The following LRRC23 variants were observed in gnomAD, a reference collection of about 807,000 sequenced individuals.
LRRC23 encodes leucine-rich repeat-containing protein 23.
LRRC23 carries 28 observed loss-of-function variants against 37.7 expected under a neutral mutation model. The ratio of observed to expected loss-of-function variants is 0.74; its 90% CI spans 0.55 to 1.02. The LOEUF (loss-of-function observed/expected upper bound fraction) is 1.02, where lower values mean the gene tolerates loss of function less well. Ranked by LOEUF, LRRC23 falls within the 50% of genes least tolerant of loss-of-function variation. LRRC23 has a pLI of 0.00. For synonymous variants in LRRC23, 161 were observed against 165.4 expected (o/e 0.97, Z 0.20); for missense variants, 377 against 413.2 (o/e 0.91, Z 0.76).
chr12:6,909,876 C>G lies in LRRC23; in HGVS notation c.622-14C>G, dbSNP rs782047663. On this transcript the variant is annotated splice_polypyrimidine_tract_variant and intron_variant, in intron 5 of 7. Transcript: ENST00000443597. ...GCTCCCTCTCAATCAATCCACTGTG[C>G]CCTGGGGGTCTAGGCCCAAAACATG... The G allele has an allele frequency of 1.9e-6, 3 of 1,606,400 alleles. No homozygotes were observed. The highest frequency in any genetic ancestry group is 2.6e-6 in the Non-Finnish European group (3 of 1,176,144).
At position 6,907,315 on chromosome 12, in the gene LRRC23, G is replaced by A. The variant is rs1220666573; in HGVS notation, c.491G>A (p.Gly164Glu). The A allele has an allele frequency of 6.2e-7, 1 of 1,613,546 alleles. No individual in the cohort carries two copies. The highest frequency in any genetic ancestry group is 1.3e-5 in the African/African-American group (1 of 74,850). ...HPRLETLNLK[G>E]NSIHMVTGLD... ...GAGCTCTTGAAACCCTCCTCCCCAG[G>A]GAACAGCATCCACATGGTGACAGGT... The change falls in exon 5 of 8, where the codon GGG becomes GAG. Residue 164 changes from glycine to glutamate, a missense_variant and splice_region_variant. Coordinates refer to ENST00000443597, the MANE Select transcript of LRRC23 (RefSeq NM_001135217.2).
At position 6,913,551 on chromosome 12, in the gene LRRC23, G is replaced by GTTTTTTTTTTT. The variant is rs1248085636; in HGVS notation, c.*25-337_*25-336insTTTTTTTTTTT. ...TAGGGGAGAGGCTTTATTTACCTCT[G>GTTTTTTTTTTT]TTTGTTTTTTTTTTTTTTTTTTTTT... On this transcript the variant is annotated intron_variant, in intron 7 of 7. Coordinates refer to ENST00000443597, the MANE Select transcript of LRRC23 (RefSeq NM_001135217.2). Among the ~76,000 whole-genome samples the GTTTTTTTTTTT allele has an allele frequency of 2.8e-3, 220 of 78,168 alleles. 81 individuals carry two copies. The highest frequency in any genetic ancestry group is 9.5e-3 in the African/African-American group (185 of 19,544). 51.3% of individuals were successfully genotyped at this position (78,168 alleles called of 152,430 possible). A position where few individuals can be genotyped will look rare whatever the true frequency, so the allele number is the denominator to read the frequency against.
At chr12:6,910,528 GC>G (rs1275470520) in intron 6 of LRRC23, among the ~76,000 whole-genome samples, 3 of 152,022 alleles carry the variant, frequency 2.0e-5, no homozygotes, top group Non-Finnish European at 4.4e-5. Context: ...GGGCAACATG[GC>G]AAAATCCCAT....
intron 7 of LRRC23, among the ~76,000 whole-genome samples, chr12:6,913,456 G>C (rs1175070656): frequency 6.6e-6 from 1 of 151,380 alleles, no homozygotes; most frequent in Non-Finnish European, 1.5e-5. Flanking sequence ...ACAGAGATGG[G>C]GGAAGAAAAG....
intron 3 of LRRC23, 72 bp from the exon 4 acceptor site, chr12:6,906,337 T>C: frequency 6.8e-7 from 1 of 1,477,456 alleles, no homozygotes; most frequent in Non-Finnish European, 9.2e-7. Context: ...GCCTTCTGCT[T>C]TAGCAACTCT....
At chr12:6,907,649 G>A (rs765357714) in intron 5 of LRRC23, 3 of 632,796 alleles carry the variant, frequency 4.7e-6, no homozygotes, top group Admixed American at 2.5e-5. Context: ...GGATAATACA[G>A]AGATAATTTA....
rs1027378269 is a variant in LRRC23 at position 6,913,815 on chromosome 12, C to T, written c.*25-76C>T. On this transcript the variant is annotated intron_variant, in intron 7 of 7. Coordinates refer to ENST00000443597, the MANE Select transcript of LRRC23 (RefSeq NM_001135217.2). ...CCTGACCTCGTGATCTGCCCGCCTC[C>T]GCCTTCCAAAGTGCTGGGATTACAG... 28 of 1,130,856 alleles carry T rather than the reference C, an allele frequency of 2.5e-5. No individual in the cohort carries two copies. In the Admixed American group the frequency reaches 6.2e-4, roughly 25 times the overall value. The allele number at this position is 1,130,856 out of a possible 1,614,324, so 70.1% of individuals were successfully genotyped here.
chr12:6,907,700 A>G (rs1944983321), intron 5 of LRRC23: 4 of 599,324 alleles, frequency 6.7e-6, no homozygotes, highest in South Asian at 6.0e-5. Flanking sequence ...TAATTGAGGT[A>G]CAAACATCAG....
In LRRC23 at chr12:6,909,960, A is replaced by G. The variant is rs1555140497; in HGVS notation, c.692A>G (p.Asp231Gly). The part of the protein sequence containing the change: ...LSNLTTLHLR[D>G]NQIDTLSGFS... ...AATCTCACCACCTTGCATCTTCGAG[A>G]CAACCAGATTGACACCCTGAGTGGC... The change falls in exon 6 of 8, where the codon GAC becomes GGC. Residue 231 changes from aspartate to glycine, a missense_variant. Transcript: ENST00000443597. The G allele has an allele frequency of 6.2e-7, 1 of 1,613,912 alleles. No individual in the cohort carries two copies. Among genetic ancestry groups the G allele is most frequent in the Admixed American group, 1.7e-5 (1 of 59,958 alleles).
chr12:6,911,594 G>A (rs900471561), intron 6 of LRRC23, among the ~76,000 whole-genome samples: 9 of 152,192 alleles, frequency 5.9e-5, no homozygotes, highest in Non-Finnish European at 1.2e-4. Context: ...GTATGGCAGA[G>A]TCCAGTACAA....
rs181947264 is a variant in LRRC23, at chr12:6,907,798, G to A, written c.621+353G>A. 1.5e-3 allele frequency: 716 copies of A among 470,622 alleles called. 4 individuals carry two copies. The highest frequency in any genetic ancestry group is 9.8e-3 in the African/African-American group (501 of 50,956). The allele number at this position is 470,622 out of a possible 1,614,324, so 29.2% of individuals were successfully genotyped here. On this transcript the variant is annotated intron_variant, in intron 5 of 7. Transcript: ENST00000443597. ...ACCACCACAACAATCATCAACATAC[G>A]ACTTCCGGGACCAAAGGTGTGGGGG...
At chr12:6,913,095 G>A (rs1555141007) in intron 7 of LRRC23, 68 bp downstream of exon 7, 2 of 1,488,226 alleles carry the variant, frequency 1.3e-6, no homozygotes, top group African/African-American at 2.8e-5. Context: ...AGAGGCAAGA[G>A]GGGAAGCTGC....
chr12:6,913,090 C>T, intron 7 of LRRC23, 63 bp downstream of exon 7: 1 of 1,512,570 alleles, frequency 6.6e-7, no homozygotes, highest in Non-Finnish European at 9.0e-7. Context: ...GGGGAAGAGG[C>T]AAGAGGGGAA....
intron 5 of LRRC23, 96 bp downstream of exon 5, chr12:6,907,541 A>G: frequency 7.9e-7 from 1 of 1,260,158 alleles, no homozygotes; most frequent in South Asian, 1.2e-5. Flanking sequence ...TAACTTCATC[A>G]TTATGATAAT....
intron 5 of LRRC23, among the ~76,000 whole-genome samples, chr12:6,908,596 C>CAAAAAAAAAAAAAAAAAAAAAAAA (rs61662814): frequency 3.2e-5 from 1 of 31,074 alleles, no homozygotes; most frequent in African/African-American, 9.8e-5. Flanking sequence ...GACTCCATCT[C>CAAAAAAAAAAAAAAAAAAAAAAAA]AAAAAAAAAA....
At position 6,909,913 on chromosome 12, in the gene LRRC23, G is replaced by A; in HGVS notation, c.645G>A (p.Val215=). The A allele has an allele frequency of 6.2e-7, 1 of 1,613,132 alleles. No homozygotes were observed. The highest frequency in any genetic ancestry group is 8.5e-7 in the Non-Finnish European group (1 of 1,179,588). The change falls in exon 6 of 8, where the codon GTG becomes GTA. Residue 215 remains valine, a synonymous_variant. Coordinates refer to ENST00000443597, the MANE Select transcript of LRRC23 (RefSeq NM_001135217.2). ...LYLAQNMLKK[V]EGLEDLSNLT... is the part of the protein sequence containing the mutation. ...AGGCCCAAAACATGCTGAAGAAGGT[G>A]GAAGGCTTGGAGGATCTGAGCAATC...
intron 6 of LRRC23, among the ~76,000 whole-genome samples, chr12:6,911,803 G>A (rs782021578): frequency 7.2e-5 from 11 of 152,270 alleles, no homozygotes; most frequent in East Asian, 3.9e-4. Context: ...GAGGCCAGGC[G>A]TTCAAGACAA....
At position 6,911,768 on chromosome 12, in the gene LRRC23, G is replaced by A. The variant is rs1003211615; in HGVS notation, c.759-962G>A. On this transcript the variant is annotated intron_variant, in intron 6 of 7. Transcript: ENST00000443597. ...CACGCCTGTAATCCCAGCACTTTGG[G>A]GGGGCCAAGGCAAGAGGACTGCTTG... 7.9e-5 allele frequency among the ~76,000 whole-genome samples: 12 copies of A among 152,302 alleles called. No individual in the cohort carries two copies. The East Asian group carries it at 2.1e-3, about 27-fold the overall frequency.
Position 6,913,551 on chromosome 12 carries a change from G to GTTTTTTTTTTTTTTTTTTTTTTTTTT in LRRC23, c.*25-337_*25-336insTTTTTTTTTTTTTTTTTTTTTTTTTT, listed in dbSNP as rs1248085636. Among the ~76,000 whole-genome samples, 13 of 78,122 alleles carry GTTTTTTTTTTTTTTTTTTTTTTTTTT rather than the reference G, an allele frequency of 1.7e-4. 4 individuals are homozygous for GTTTTTTTTTTTTTTTTTTTTTTTTTT. Among genetic ancestry groups the GTTTTTTTTTTTTTTTTTTTTTTTTTT allele is most frequent in the African/African-American group, 3.6e-4 (7 of 19,518 alleles). The allele number at this position is 78,122 out of a possible 152,430, so 51.3% of individuals were successfully genotyped here. On this transcript the variant is annotated intron_variant, in intron 7 of 7. Coordinates refer to ENST00000443597, the MANE Select transcript of LRRC23 (RefSeq NM_001135217.2). ...TAGGGGAGAGGCTTTATTTACCTCT[G>GTTTTTTTTTTTTTTTTTTTTTTTTTT]TTTGTTTTTTTTTTTTTTTTTTTTT...
Sources: gnomAD v4.1 joint callset for allele counts (sites outside exome capture counted in the v4.1 genomes callset) on GRCh38, gnomAD v4.1.1 for gene constraint, MANE v1.5 for transcripts, NCBI Gene and HGNC (gene_info 2026-07-23, HGNC 2026-07-21) for gene names.